Variants in SASH1 observed in about 807,000 individuals in gnomAD.
The protein encoded by SASH1 is SAM and SH3 domain containing 1.
A neutral mutation model predicts 125.2 loss-of-function variants in SASH1; 44 were observed. The observed-to-expected ratio is 0.35, with a 90% CI of 0.28 to 0.45. The LOEUF (loss-of-function observed/expected upper bound fraction) is 0.45, where lower values mean the gene tolerates loss of function less well. Among genes scored for constraint, SASH1 ranks in the 20% least tolerant of loss-of-function variants. SASH1 has a pLI of 1.00. For synonymous variants in SASH1, 639 were observed against 649.1 expected (o/e 0.98, Z 0.24); for missense variants, 1,426 against 1,614.5 (o/e 0.88, Z 2.00).
chr6:148,508,963 T>C, intron 8 of SASH1: 1 of 624,038 alleles, frequency 1.6e-6, no homozygotes. Context: ...CTGCCTATGA[T>C]GTTTCTCTCT....
the SASH1 span, among the ~76,000 whole-genome samples, chr6:148,262,055 T>G: frequency 6.0e-4 from 92 of 152,124 alleles, no homozygotes; most frequent in Admixed American, 6.0e-3. Context: ...CAGATGCTCA[T>G]GAAAACACTG....
At chr6:148,459,976 C>T (rs979337620) in intron 4 of SASH1, among the ~76,000 whole-genome samples, 1 of 152,158 alleles carries the variant, frequency 6.6e-6, no homozygotes, top group Non-Finnish European at 1.5e-5. Flanking sequence ...GGTGCCACTT[C>T]CTGGGTAGTG....
chr6:148,393,383 A>T (rs188470401), intron 2 of SASH1, among the ~76,000 whole-genome samples: 140 of 152,186 alleles, frequency 9.2e-4, no homozygotes, highest in Non-Finnish European at 1.1e-3. Flanking sequence ...TCTTGCCTCA[A>T]ATGATAGTCT....
chr6:148,412,227 CTTTTAT>C (rs1340260534), intron 2 of SASH1, among the ~76,000 whole-genome samples: 1 of 152,108 alleles, frequency 6.6e-6, no homozygotes, highest in Non-Finnish European at 1.5e-5. Flanking sequence ...TAAGAAATCA[CTTTTAT>C]TTTTATTTTA....
intron 1 of SASH1, among the ~76,000 whole-genome samples, chr6:148,286,787 A>C (rs990778815): frequency 2.6e-5 from 4 of 152,154 alleles, no homozygotes; most frequent in Admixed American, 6.5e-5. Flanking sequence ...GGTCCTGGGG[A>C]GTAGGGTTAC....
intron 1 of SASH1, among the ~76,000 whole-genome samples, chr6:148,326,593 G>A (rs901350037): frequency 6.0e-5 from 9 of 149,552 alleles, no homozygotes; most frequent in African/African-American, 2.2e-4. Flanking sequence ...ATAGAGACGG[G>A]GTTTCACCAT....
chr6:148,211,844 C>T, the SASH1 span, among the ~76,000 whole-genome samples: 1 of 152,152 alleles, frequency 6.6e-6, no homozygotes, highest in East Asian at 1.9e-4. Context: ...CCACCATGCG[C>T]TGGAAGCATC....
intron 1 of SASH1, among the ~76,000 whole-genome samples, chr6:148,326,323 C>CATATATATATAT (rs56276306): frequency 0.046 from 447 of 9,740 alleles, 53 homozygotes; most frequent in Non-Finnish European, 0.055. Flanking sequence ...CCACCGCATG[C>CATATATATATAT]ATATATATAT....
At chr6:148,415,411 T>C (rs777595825) in intron 2 of SASH1, among the ~76,000 whole-genome samples, 3 of 152,200 alleles carry the variant, frequency 2.0e-5, no homozygotes, top group Non-Finnish European at 4.4e-5. Context: ...CCCTGGGTTA[T>C]GTCACACATC....
At chr6:148,210,687 AC>A in the SASH1 span, among the ~76,000 whole-genome samples, 10 of 152,188 alleles carry the variant, frequency 6.6e-5, no homozygotes, top group East Asian at 1.9e-3. Context: ...AATTCCCAAA[AC>A]CTATGTGACA....
intron 10 of SASH1, among the ~76,000 whole-genome samples, chr6:148,521,996 A>AGGCCTT (rs1780844288): frequency 6.6e-6 from 1 of 152,190 alleles, no homozygotes; most frequent in Non-Finnish European, 1.5e-5. Flanking sequence ...TGTCTCTAGA[A>AGGCCTT]GTTATATTTC....
intron 2 of SASH1, among the ~76,000 whole-genome samples, chr6:148,394,744 A>ATT (rs1783877743): frequency 9.9e-5 from 15 of 152,208 alleles, no homozygotes; most frequent in African/African-American, 3.1e-4. Flanking sequence ...TCCTGGGTTC[A>ATT]AGCGATTCTC....
At chr6:148,493,217 C>T (rs1779183231) in intron 8 of SASH1, among the ~76,000 whole-genome samples, 1 of 152,220 alleles carries the variant, frequency 6.6e-6, no homozygotes, top group Non-Finnish European at 1.5e-5. Context: ...CAACCCACCA[C>T]CATCACCACT....
upstream of SASH1, among the ~76,000 whole-genome samples, chr6:148,339,994 T>C (rs1006774359): frequency 1.3e-5 from 2 of 152,198 alleles, no homozygotes; most frequent in African/African-American, 2.4e-5. Flanking sequence ...CCAGGTCAAA[T>C]GCTTTGCCCC....
At chr6:148,515,434 C>T (rs1020745144) in intron 9 of SASH1, among the ~76,000 whole-genome samples, 7 of 152,000 alleles carry the variant, frequency 4.6e-5, no homozygotes, top group South Asian at 2.1e-4. Context: ...AAGGGTTTTT[C>T]GTTTTTATTG....
chr6:148,538,336 G>A (rs1781998302), intron 16 of SASH1, among the ~76,000 whole-genome samples: 1 of 152,168 alleles, frequency 6.6e-6, no homozygotes, highest in Non-Finnish European at 1.5e-5. Flanking sequence ...CATGTCACCA[G>A]GGACAGAGTA....
chr6:148,219,173 G>A, the SASH1 span, among the ~76,000 whole-genome samples: 22,956 of 152,126 alleles, frequency 0.15, 1,843 homozygotes, highest in African/African-American at 0.22. Flanking sequence ...TTTATCTTGC[G>A]AAACTATTTG....
At chr6:148,314,758 G>A (rs1375433798) in intron 1 of SASH1, among the ~76,000 whole-genome samples, 3 of 147,002 alleles carry the variant, frequency 2.0e-5, no homozygotes, top group African/African-American at 7.6e-5. Context: ...AATGAAAAAT[G>A]GTATAAATGA....
the SASH1 span, among the ~76,000 whole-genome samples, chr6:148,216,503 A>G: frequency 2.0e-5 from 3 of 152,184 alleles, no homozygotes; most frequent in Non-Finnish European, 2.9e-5. Context: ...AATACCATGA[A>G]CAAAAACAAA....
Sources: gnomAD v4.1 joint callset for allele counts (sites outside exome capture counted in the v4.1 genomes callset) on GRCh38, gnomAD v4.1.1 for gene constraint, MANE v1.5 for transcripts, NCBI Gene and HGNC (gene_info 2026-07-23, HGNC 2026-07-21) for gene names.